PCLO: variants seen among roughly 807,000 people sequenced by gnomAD.
The protein encoded by PCLO is protein piccolo.
Under a neutral mutation model 427.5 loss-of-function variants are expected in PCLO, and 82 were observed. The observed-to-expected ratio is 0.19, with a 90% confidence interval of 0.16 to 0.23. The LOEUF (loss-of-function observed/expected upper bound fraction) is 0.23, where lower values mean the gene tolerates loss of function less well. PCLO is among the 10% of genes least tolerant of loss of function. The probability of loss-of-function intolerance (pLI) is 1.00; values close to 1 mark genes in which losing one functional copy is unlikely to be tolerated. For missense variants in PCLO, 6,239 were observed against 6,115.9 expected, an observed-to-expected ratio of 1.02 and a Z score of -0.67; for synonymous variants, 2,357 against 2,155.4, an observed-to-expected ratio of 1.09 and a Z score of -2.59.
chr7:82,927,553 G>A (rs73385964), intron 6 of PCLO, among the ~76,000 whole-genome samples: 3,025 of 152,066 alleles, frequency 0.02, 107 homozygotes, highest in African/African-American at 0.069. Flanking sequence ...TTTTCTCCAG[G>A]TTTCTTTACT....
intron 3 of PCLO, among the ~76,000 whole-genome samples, chr7:82,999,357 CT>C (rs1372215907): frequency 7.8e-6 from 1 of 128,052 alleles, no homozygotes; most frequent in Non-Finnish European, 1.6e-5. Flanking sequence ...AATATATATA[CT>C]TTTTCCATTA....
intron 3 of PCLO, among the ~76,000 whole-genome samples, chr7:83,124,052 T>C (rs886538911): frequency 1.7e-4 from 25 of 147,702 alleles, no homozygotes; most frequent in African/African-American, 6.0e-4. Flanking sequence ...CTCACACCTG[T>C]AATCTCAGTA....
At chr7:83,149,443 T>C (rs530243106) in intron 2 of PCLO, among the ~76,000 whole-genome samples, 68 of 152,288 alleles carry the variant, frequency 4.5e-4, no homozygotes, top group Non-Finnish European at 9.1e-4. Context: ...TTTAAATCTT[T>C]TAGAAAGTGG....
intron 3 of PCLO, among the ~76,000 whole-genome samples, chr7:82,996,216 G>C (rs1487613071): frequency 2.0e-5 from 3 of 151,718 alleles, no homozygotes; most frequent in Non-Finnish European, 4.4e-5. Flanking sequence ...ATTAATAGTA[G>C]CTAATTATAA....
At chr7:83,070,220 T>C (rs532446499) in intron 3 of PCLO, among the ~76,000 whole-genome samples, 1 of 152,112 alleles carries the variant, frequency 6.6e-6, no homozygotes, top group Non-Finnish European at 1.5e-5. Context: ...TGTCAGTGAG[T>C]CTGGAAGTAG....
At chr7:83,088,784 G>A (rs937757848) in intron 3 of PCLO, among the ~76,000 whole-genome samples, 8 of 151,998 alleles carry the variant, frequency 5.3e-5, no homozygotes, top group African/African-American at 1.9e-4. Flanking sequence ...TCTGAGTTGT[G>A]ATGTCCTTAC....
chr7:82,915,327 A>G lies in PCLO; in HGVS notation c.12659T>C (p.Met4220Thr), dbSNP rs1794421475. ...ACCAATAGATGAAGTGCTAGAAGTC[A>G]TATAGCTTGAATAATCAGGTTCAAG... ...RDLEPDYSSY[M>T]TSSTSSIGGI... The change falls in exon 7 of 25, where the codon ATG becomes ACG. Residue 4220 changes from methionine to threonine, a missense_variant. Physicochemically the swap from Met to Thr is moderately conservative, Grantham distance 81. Transcript: ENST00000333891. The G allele has an allele frequency of 6.2e-7, 1 of 1,613,474 alleles. No individual in the cohort carries two copies. The highest frequency in any genetic ancestry group is 1.3e-5 in the African/African-American group (1 of 74,934).
intron 3 of PCLO, among the ~76,000 whole-genome samples, chr7:83,030,461 C>T (rs184867408): frequency 1.3e-5 from 2 of 152,254 alleles, no homozygotes; most frequent in Admixed American, 6.5e-5. Flanking sequence ...CTTCTAAAAA[C>T]AATAGTAAAT....
chr7:82,912,068 T>C (rs1430494522), intron 7 of PCLO, among the ~76,000 whole-genome samples: 2 of 152,166 alleles, frequency 1.3e-5, no homozygotes, highest in African/African-American at 4.8e-5. Context: ...CTATCACTTA[T>C]ACAGTTTAAT....
intron 22 of PCLO, among the ~76,000 whole-genome samples, chr7:82,795,635 C>T (rs772521128): frequency 1.1e-4 from 16 of 152,086 alleles, no homozygotes; most frequent in African/African-American, 2.9e-4. Context: ...GACTATAAAA[C>T]TCTGCTTTGA....
In PCLO at chr7:82,916,471, C is replaced by T. The variant is rs1794467616; in HGVS notation, c.11515G>A (p.Val3839Met). The change falls in exon 7 of 25, where the codon GTG becomes ATG. Residue 3839 changes from valine (V) to methionine (M), a missense_variant. Physicochemically the swap from Val to Met is conservative, Grantham distance 21. Around this residue, in one of 5 missense-constraint regions of PCLO, gnomAD observed 680 missense variants for 677.3 expected, o/e 1.00. Coordinates refer to ENST00000333891, the MANE Select transcript of PCLO (RefSeq NM_033026.6). ...EDRDYMSDSE[V>M]SSTRPTRIES... The stretch of plus-strand genomic sequence containing the variant: ...ATTCGGGTTGGTCTTGTGCTACTCA[C>T]TTCACTGTCAGACATGTAATCACGA... 1 of 1,613,746 alleles carries T rather than the reference C, an allele frequency of 6.2e-7. No homozygotes were observed. Among genetic ancestry groups the T allele is most frequent in the Non-Finnish European group, 8.5e-7 (1 of 1,179,776 alleles).
At chr7:82,824,008 G>A (rs1023807322) in intron 19 of PCLO, among the ~76,000 whole-genome samples, 3 of 152,100 alleles carry the variant, frequency 2.0e-5, no homozygotes, top group African/African-American at 7.2e-5. Context: ...GTTGAAATTG[G>A]ACAGTTAGAG....
rs1396026926 is a variant in PCLO, at chr7:82,952,147, T to C, written c.8806A>G (p.Arg2936Gly). ...ACCACATCACAGCACACAGCTCTTC[T>C]CCCTGCGGTTAAATCAACGGGTTTT... Reference protein sequence around the residue: ...DEKPVDLTAGRRAVCCDVVYK... With the variant: ...DEKPVDLTAGGRAVCCDVVYK... The change falls in exon 5 of 25, where the codon AGA becomes GGA. Residue 2936 changes from arginine (R) to glycine (G), a missense_variant. This residue lies in a region of PCLO where 4,677 missense variants were observed against 4,468.4 expected (regional missense o/e 1.05). Coordinates refer to ENST00000333891, the MANE Select transcript of PCLO (RefSeq NM_033026.6). The C allele has an allele frequency of 6.2e-7, 1 of 1,606,446 alleles. No homozygotes were observed. Among genetic ancestry groups the C allele is most frequent in the Non-Finnish European group, 8.5e-7 (1 of 1,178,300 alleles).
chr7:83,069,073 G>A (rs1221470994), intron 3 of PCLO, among the ~76,000 whole-genome samples: 1 of 152,136 alleles, frequency 6.6e-6, no homozygotes, highest in Non-Finnish European at 1.5e-5. Context: ...GGGAAATGGG[G>A]AGATTTTGAT....
chr7:83,116,717 A>C (rs1346338168), intron 3 of PCLO, among the ~76,000 whole-genome samples: 1 of 152,180 alleles, frequency 6.6e-6, no homozygotes, highest in African/African-American at 2.4e-5. Flanking sequence ...CATGTTATAG[A>C]ATAAAAGACT....
At chr7:82,879,255 T>G in intron 10 of PCLO, 82 bp downstream of exon 10, 25 of 1,222,832 alleles carry the variant, frequency 2.0e-5, no homozygotes, top group East Asian at 2.6e-5. Context: ...CAGAGAAGGA[T>G]GAGAACATTT....
chr7:83,095,213 T>C (rs949305080), intron 3 of PCLO, among the ~76,000 whole-genome samples: 8 of 146,766 alleles, frequency 5.5e-5, no homozygotes, highest in African/African-American at 1.4e-4. Flanking sequence ...GAGGAATCGT[T>C]TTTTTCTACT....
In PCLO at chr7:83,155,004, G is replaced by A. The variant is rs1237853671; in HGVS notation, c.1637C>T (p.Pro546Leu). 1 of 1,613,996 alleles carries A rather than the reference G, an allele frequency of 6.2e-7. No individual in the cohort carries two copies. Among genetic ancestry groups the A allele is most frequent in the Admixed American group, 1.7e-5 (1 of 60,022 alleles). ...SAKPSAQQPS[P>L]AKPSAQQSTK... ...AGATTGCTGAGCCGAGGGCTTTGCTGGGCTAGGCTGTTGAGCTGAGGGTTT... is the reference window on the plus strand; with the variant it reads ...AGATTGCTGAGCCGAGGGCTTTGCTAGGCTAGGCTGTTGAGCTGAGGGTTT... Residue 546 changes from proline to leucine, a missense_variant, in exon 2 of 25, where the codon CCA becomes CTA. Pro to Leu is a moderately conservative substitution (Grantham distance 98, BLOSUM62 -3). This residue lies in a region of PCLO where 4,677 missense variants were observed against 4,468.4 expected (regional missense o/e 1.05). Transcript: ENST00000333891.
In PCLO at chr7:82,956,008, T is replaced by C; in HGVS notation, c.4945A>G (p.Lys1649Glu). Residue 1649 changes from lysine to glutamate, a missense_variant, in exon 5 of 25, where the codon AAA becomes GAA. Physicochemically the swap from Lys to Glu is moderately conservative, Grantham distance 56. Around this residue, in one of 5 missense-constraint regions of PCLO, gnomAD observed 4,677 missense variants for 4,468.4 expected, o/e 1.05. Transcript: ENST00000333891. ...ACAAGTTCTTCACTTTCCTGACTTT[T>C]AGTTTCTCTGTATTTAAGTTCAGGA... ...ESPELKYRET[K>E]SQESEELVVT... 1 of 1,613,406 alleles carries C rather than the reference T, an allele frequency of 6.2e-7. No individual in the cohort carries two copies. The highest frequency in any genetic ancestry group is 8.5e-7 in the Non-Finnish European group (1 of 1,179,848).
Sources: gnomAD v4.1 joint callset for allele counts (sites outside exome capture counted in the v4.1 genomes callset) on GRCh38, gnomAD v4.1.1 for gene constraint, gnomAD v4.1.1 regional missense constraint, MANE v1.5 for transcripts, NCBI Gene and HGNC (gene_info 2026-07-23, HGNC 2026-07-21) for gene names.